PCDH10: variants seen among roughly 807,000 people sequenced by gnomAD.
The protein encoded by PCDH10 is protocadherin-10.
In PCDH10, 15 loss-of-function variants were observed where a neutral mutation model predicts 74.4. The observed-to-expected ratio is 0.20, with a 90% CI of 0.13 to 0.31. The LOEUF is 0.31. Among genes scored for constraint, PCDH10 ranks in the 10% least tolerant of loss-of-function variants. The pLI, the probability that PCDH10 is intolerant of heterozygous loss-of-function variation, is 1.00. For synonymous variants in PCDH10, 619 were observed against 589.8 expected (o/e 1.05, Z -0.72); for missense variants, 1,260 against 1,390.2 (o/e 0.91, Z 1.49).
In PCDH10 at chr4:133,190,200, CA is replaced by C; in HGVS notation, c.*43del. On this transcript the variant is annotated 3_prime_UTR_variant, in exon 5 of 5. Transcript: ENST00000264360. Reference sequence around the variant, plus strand: ...CTTACCTGAAGCAGCATGATTTGCACAAAGTCGACCAACAAAAGCATCAACT... The same window carrying C: ...CTTACCTGAAGCAGCATGATTTGCACAAGTCGACCAACAAAAGCATCAACT... 6.3e-7 allele frequency: 1 copy of C among 1,578,174 alleles called. No individual in the cohort carries two copies. Among genetic ancestry groups the C allele is most frequent in the Non-Finnish European group, 8.7e-7 (1 of 1,147,516 alleles).
intron 2 of PCDH10, among the ~76,000 whole-genome samples, chr4:133,204,445 G>A (rs1174748283): frequency 6.6e-6 from 1 of 152,172 alleles, no homozygotes; most frequent in African/African-American, 2.4e-5. Flanking sequence ...AAGGTGCTGT[G>A]TTGTCACTAC....
Position 133,152,345 on chromosome 4 carries a change from G to A in PCDH10, c.2205G>A (p.Val735=), listed in dbSNP as rs545592766. The A allele has an allele frequency of 6.2e-7, 1 of 1,614,214 alleles. No homozygotes were observed. The highest frequency in any genetic ancestry group is 1.1e-5 in the South Asian group (1 of 91,080). ...VSFIFLLAMI[V]LAVRCQKEKK... ...TCATCTTCCTGCTGGCCATGATCGT[G>A]CTGGCCGTGCGTTGCCAAAAAGAGA... The change falls in exon 1 of 5, where the codon GTG becomes GTA. Residue 735 remains valine (V), a synonymous_variant. Coordinates refer to ENST00000264360, the MANE Select transcript of PCDH10 (RefSeq NM_032961.3).
chr4:133,189,929 C>T (rs1182074858), intron 4 of PCDH10, among the ~76,000 whole-genome samples: 2 of 152,036 alleles, frequency 1.3e-5, no homozygotes, highest in Admixed American at 6.6e-5. Flanking sequence ...CCATGCAAAA[C>T]TAATTTATAA....
intron 3 of PCDH10, among the ~76,000 whole-genome samples, chr4:133,159,034 T>G (rs1217470732): frequency 1.3e-5 from 2 of 152,050 alleles, no homozygotes; most frequent in Non-Finnish European, 2.9e-5. Context: ...GCAATTTTTG[T>G]GGTTACAATT....
chr4:133,200,207 C>CAAA (rs1179790686), intron 2 of PCDH10, among the ~76,000 whole-genome samples: 1 of 151,916 alleles, frequency 6.6e-6, no homozygotes, highest in Non-Finnish European at 1.5e-5. Flanking sequence ...AAAACTTTCT[C>CAAA]ATTAATAATG....
intron 4 of PCDH10, among the ~76,000 whole-genome samples, chr4:133,183,459 A>T (rs937857512): frequency 6.6e-6 from 1 of 152,118 alleles, no homozygotes; most frequent in African/African-American, 2.4e-5. Context: ...ATACAAAGCT[A>T]TGTGAGGGTA....
chr4:133,186,286 A>G (rs1178110636), intron 4 of PCDH10, among the ~76,000 whole-genome samples: 1 of 152,262 alleles, frequency 6.6e-6, no homozygotes, highest in South Asian at 2.1e-4. Flanking sequence ...ATGACTCACT[A>G]TGAAGAATAA....
At position 133,150,742 on chromosome 4, in the gene PCDH10, T is replaced by C; in HGVS notation, c.602T>C (p.Leu201Pro). 1 of 1,546,018 alleles carries C rather than the reference T, an allele frequency of 6.5e-7. No individual in the cohort carries two copies. The highest frequency in any genetic ancestry group is 8.7e-7 in the Non-Finnish European group (1 of 1,145,250). Reference protein sequence around the residue: ...REQQAVHRYVLTAVDGGGGGG... With the variant: ...REQQAVHRYVPTAVDGGGGGG... ...CAGCAAGCGGTGCACCGCTACGTGC[T>C]GACCGCGGTGGACGGAGGAGGTGGG... is the stretch of plus-strand genomic sequence containing the variant. Residue 201 changes from leucine to proline, a missense_variant, in exon 1 of 5, where the codon CTG becomes CCG. By Grantham distance (98) the Leu-to-Pro change is moderately conservative. Transcript: ENST00000264360.
Position 133,150,030 on chromosome 4 carries a change from C to G in PCDH10, c.-111C>G. 7.1e-7 allele frequency: 1 copy of G among 1,412,260 alleles called. No homozygotes were observed. The highest frequency in any genetic ancestry group is 9.3e-7 in the Non-Finnish European group (1 of 1,073,742). 87.5% of individuals were successfully genotyped at this position (1,412,260 alleles called of 1,614,324 possible). On this transcript the variant is annotated 5_prime_UTR_variant, in exon 1 of 5. Coordinates refer to ENST00000264360, the MANE Select transcript of PCDH10 (RefSeq NM_032961.3). The stretch of plus-strand genomic sequence containing the variant: ...AGACAGAAAGCCACAGGAGCCCCCA[C>G]GTAGCGCACTTTTATTTGTATTTTT...
intron 2 of PCDH10, among the ~76,000 whole-genome samples, chr4:133,201,956 G>T (rs951758130): frequency 6.6e-6 from 1 of 151,674 alleles, no homozygotes; most frequent in Non-Finnish European, 1.5e-5. Context: ...AGTGAAGAAG[G>T]CTTAGGGCAT....
In PCDH10 at chr4:133,150,008, C is replaced by T. The variant is rs764628599; in HGVS notation, c.-133C>T. 1 of 1,278,218 alleles carries T rather than the reference C, an allele frequency of 7.8e-7. No homozygotes were observed. The highest frequency in any genetic ancestry group is 1.0e-6 in the Non-Finnish European group (1 of 969,828). The allele number at this position is 1,278,218 out of a possible 1,614,324, so 79.2% of individuals were successfully genotyped here. ...GCAAAAGGAGTAAGATTTTTAAAGA[C>T]AGAAAGCCACAGGAGCCCCCACGTA... On this transcript the variant is annotated 5_prime_UTR_variant, in exon 1 of 5. Coordinates refer to ENST00000264360, the MANE Select transcript of PCDH10 (RefSeq NM_032961.3).
intron 4 of PCDH10, among the ~76,000 whole-genome samples, chr4:133,165,660 A>C (rs1001080798): frequency 6.6e-6 from 1 of 151,794 alleles, no homozygotes; most frequent in Non-Finnish European, 1.5e-5. Flanking sequence ...TTTCATAATG[A>C]ATATAATGTA....
chr4:133,164,600 T>G (rs1727040824), intron 4 of PCDH10, among the ~76,000 whole-genome samples: 1 of 151,870 alleles, frequency 6.6e-6, no homozygotes, highest in African/African-American at 2.4e-5. Context: ...ACTTCAAATA[T>G]AGTGGGAAAA....
intron 3 of PCDH10, 98 bp downstream of exon 3, chr4:133,155,121 G>T: frequency 1.3e-6 from 1 of 769,232 alleles, no homozygotes; most frequent in South Asian, 1.5e-5. Flanking sequence ...ATTTTCCATA[G>T]GTCTAATGCT....
chr4:133,163,953 A>G (rs1437502994), intron 4 of PCDH10: 3 of 449,852 alleles, frequency 6.7e-6, no homozygotes, highest in Non-Finnish European at 8.9e-6. Flanking sequence ...GATTGAATGC[A>G]TTGAGGTTGT....
intron 2 of PCDH10, among the ~76,000 whole-genome samples, chr4:133,203,995 C>A (rs1253752244): frequency 6.6e-6 from 1 of 152,184 alleles, no homozygotes; most frequent in African/African-American, 2.4e-5. Context: ...ATTGGGAGAG[C>A]AGTTGCATTA....
intron 4 of PCDH10, among the ~76,000 whole-genome samples, chr4:133,187,076 A>T (rs542991549): frequency 4.6e-5 from 7 of 152,220 alleles, no homozygotes; most frequent in African/African-American, 1.7e-4. Context: ...AATAAAGCGG[A>T]TGTGACTAAA....
chr4:133,204,797 T>C (rs898142063), intron 2 of PCDH10, among the ~76,000 whole-genome samples: 4 of 152,154 alleles, frequency 2.6e-5, no homozygotes, highest in Non-Finnish European at 5.9e-5. Flanking sequence ...ATTATTGGGA[T>C]GGAGAATCTG....
chr4:133,160,406 CTTT>C (rs5862060), intron 3 of PCDH10, among the ~76,000 whole-genome samples: 1 of 144,508 alleles, frequency 6.9e-6, no homozygotes. Context: ...TATATCCTCA[CTTT>C]TTTTTTTTTG....
Sources: gnomAD v4.1 joint callset for allele counts (sites outside exome capture counted in the v4.1 genomes callset) on GRCh38, gnomAD v4.1.1 for gene constraint, MANE v1.5 for transcripts, NCBI Gene and HGNC (gene_info 2026-07-23, HGNC 2026-07-21) for gene names.